The following GRK4 variants were observed in gnomAD, a reference collection of about 807,000 sequenced individuals.
GRK4 encodes G protein-coupled receptor kinase 2-like.
In GRK4, 73 loss-of-function variants were observed where a neutral mutation model predicts 77.9. That is an observed-to-expected ratio of 0.94 (90% CI 0.78 to 1.14). GRK4 has a LOEUF of 1.14. GRK4 is among the 50% of genes most tolerant of loss of function. The probability of loss-of-function intolerance (pLI) is 0.00; values close to 1 mark genes in which losing one functional copy is unlikely to be tolerated. For missense variants in GRK4, 729 were observed against 700.2 expected (o/e 1.04, Z -0.46); for synonymous variants, 257 against 254.4 (o/e 1.01, Z -0.10).
At chr4:3,013,866 G>A (rs1367192981) in intron 8 of GRK4, 38 bp downstream of exon 8, 2 of 1,555,548 alleles carry the variant, frequency 1.3e-6, no homozygotes, top group Non-Finnish European at 1.7e-6. Context: ...TGCATTGTTT[G>A]ATTCATAGCA....
intron 12 of GRK4, among the ~76,000 whole-genome samples, 154 bp from the exon 13 acceptor site, chr4:3,035,232 G>A (rs1035955075): frequency 6.6e-6 from 1 of 150,840 alleles, no homozygotes; most frequent in Non-Finnish European, 1.5e-5. Flanking sequence ...GTGACAGAAC[G>A]AGACTCCATC....
rs752345106 is a variant in GRK4 at position 2,964,096 on chromosome 4, A to G, written c.26A>G (p.Asn9Ser). 1.7e-5 allele frequency: 28 copies of G among 1,607,764 alleles called. No homozygotes were observed. The highest frequency in any genetic ancestry group is 2.2e-5 in the Non-Finnish European group (26 of 1,178,850). ...ATGGAGCTCGAGAACATCGTGGCCA[A>G]CTCGCTGCTGCTGAAAGCGCGTCAA... Reference protein sequence around the residue: MELENIVANSLLLKARQGG... With the variant: MELENIVASSLLLKARQGG... The change falls in exon 1 of 16, where the codon AAC becomes AGC. Residue 9 changes from asparagine (N) to serine (S), a missense_variant. Physicochemically the swap from Asn to Ser is conservative, Grantham distance 46. Coordinates refer to ENST00000398052, the MANE Select transcript of GRK4 (RefSeq NM_182982.3).
At chr4:3,035,664 T>TC (rs1243394550) in intron 13 of GRK4, 141 bp downstream of exon 13, 1 of 899,676 alleles carries the variant, frequency 1.1e-6, no homozygotes, top group Non-Finnish European at 1.7e-6. Flanking sequence ...CCTCAAGTGG[T>TC]CCTCCACCTT....
At chr4:3,036,245 G>A (rs1740608236) in intron 13 of GRK4, among the ~76,000 whole-genome samples, 1 of 152,158 alleles carries the variant, frequency 6.6e-6, no homozygotes, top group Non-Finnish European at 1.5e-5. Flanking sequence ...TGAGGTCCTG[G>A]GACTGTGGCC....
intron 9 of GRK4, 98 bp downstream of exon 9, chr4:3,019,929 C>A: frequency 8.6e-7 from 1 of 1,169,548 alleles, no homozygotes; most frequent in East Asian, 2.4e-5. Flanking sequence ...CCAGGATGGG[C>A]AGGAGAATAG....
chr4:3,034,148 T>C (rs1222989740), intron 12 of GRK4, among the ~76,000 whole-genome samples: 1 of 152,138 alleles, frequency 6.6e-6, no homozygotes, highest in East Asian at 1.9e-4. Context: ...GAGCCTAATC[T>C]AGTGCAGGTA....
At position 3,019,675 on chromosome 4, in the gene GRK4, C is replaced by A. The variant is rs1261047806; in HGVS notation, c.776C>A (p.Ala259Asp). The A allele has an allele frequency of 1.2e-6, 2 of 1,613,862 alleles. No individual in the cohort carries two copies. Among genetic ancestry groups the A allele is most frequent in the Non-Finnish European group, 1.7e-6 (2 of 1,179,882 alleles). Residue 259 changes from alanine to aspartate, a missense_variant, in exon 9 of 16, where the codon GCC (alanine) becomes GAC (aspartate). Ala to Asp is a moderately radical substitution (Grantham distance 126, BLOSUM62 -2). Transcript: ENST00000398052. ...GCCTACGCTTATGAAACCAAAGATG[C>A]CTTGTGCTTGGTGCTCACCATTATG... ...SLAYAYETKD[A>D]LCLVLTIMNG...
chr4:2,994,105 A>G (rs1183486954), intron 4 of GRK4, among the ~76,000 whole-genome samples: 2 of 152,114 alleles, frequency 1.3e-5, no homozygotes, highest in Non-Finnish European at 2.9e-5. Flanking sequence ...CTTACAGATT[A>G]CTCTCTCAAA....
intron 2 of GRK4, chr4:2,986,860 T>C: frequency 3.0e-6 from 1 of 336,970 alleles, no homozygotes. Context: ...TTTATAAAAA[T>C]TAGTTTCAGG....
At chr4:3,016,583 C>T (rs1298097658) in intron 8 of GRK4, among the ~76,000 whole-genome samples, 3 of 146,626 alleles carry the variant, frequency 2.0e-5, no homozygotes, top group Admixed American at 6.7e-5. Context: ...TGACTGTAGT[C>T]CCAGCTACTC....
intron 9 of GRK4, among the ~76,000 whole-genome samples, chr4:3,020,085 C>G (rs1452797387): frequency 6.6e-6 from 1 of 152,176 alleles, no homozygotes; most frequent in Admixed American, 6.5e-5. Flanking sequence ...ATGGCACAAT[C>G]TCGGCTCACT....
In GRK4 at chr4:3,028,064, CAG is replaced by C. The variant is rs1473480016; in HGVS notation, c.1060+67_1060+68del. 2.8e-6 allele frequency: 4 copies of C among 1,403,516 alleles called. No homozygotes were observed. In the African/African-American group the frequency reaches 5.6e-5, roughly 20 times the overall value. The allele number at this position is 1,403,516 out of a possible 1,614,324, so 86.9% of individuals were successfully genotyped here. A position where few individuals can be genotyped will look rare whatever the true frequency, so the allele number is the denominator to read the frequency against. ...CCGGGTGCCTGAGTGCCTCAGAACA[CAG>C]AGAAATCCACCCTGAATGGACCGGG... On this transcript the variant is annotated intron_variant, in intron 11 of 15. Transcript: ENST00000398052.
At chr4:2,987,145 A>G (rs1724646094) in intron 2 of GRK4, 1 of 518,258 alleles carries the variant, frequency 1.9e-6, no homozygotes. Context: ...GAGCTAGACA[A>G]CTACAAATCC....
chr4:2,993,333 A>T (rs1395038779), intron 4 of GRK4, among the ~76,000 whole-genome samples: 1 of 152,152 alleles, frequency 6.6e-6, no homozygotes, highest in Non-Finnish European at 1.5e-5. Context: ...CCTATATTGT[A>T]AGGATGGAAG....
At chr4:3,031,149 A>T (rs1449716057) in intron 12 of GRK4, among the ~76,000 whole-genome samples, 1 of 152,072 alleles carries the variant, frequency 6.6e-6, no homozygotes, top group African/African-American at 2.4e-5. Flanking sequence ...AGTGGGGAGG[A>T]CAGCAGCCAG....
chr4:2,991,347 G>C (rs561756137), intron 3 of GRK4, among the ~76,000 whole-genome samples: 1 of 152,116 alleles, frequency 6.6e-6, no homozygotes, highest in Admixed American at 6.6e-5. Flanking sequence ...AACTTTAATC[G>C]TATGTACAAG....
chr4:2,988,676 T>C (rs756976226), intron 2 of GRK4, 51 bp from the exon 3 acceptor site: 1 of 936,440 alleles, frequency 1.1e-6, no homozygotes, highest in Non-Finnish European at 1.8e-6. Context: ...CAGCATGTGG[T>C]GGACTGTAAT....
At chr4:2,965,363 G>C (rs1422855145) in intron 1 of GRK4, 1 of 703,044 alleles carries the variant, frequency 1.4e-6, no homozygotes, top group African/African-American at 1.7e-5. Context: ...TCTCAAGAGA[G>C]CTGGCGACAG....
chr4:2,995,135 A>T (rs866943443), intron 4 of GRK4, among the ~76,000 whole-genome samples: 3 of 152,164 alleles, frequency 2.0e-5, no homozygotes, highest in African/African-American at 4.8e-5. Context: ...ACGGCTGCAT[A>T]GTATTCCATA....
Sources: allele counts gnomAD v4.1 joint callset (sites outside exome capture counted in the v4.1 genomes callset), GRCh38; gene constraint gnomAD v4.1.1; transcripts MANE v1.5; gene names NCBI Gene and HGNC (gene_info 2026-07-23, HGNC 2026-07-21).